CCL20: variants seen among roughly 807,000 people sequenced by gnomAD.
CCL20 encodes C-C motif chemokine ligand 20.
A neutral mutation model predicts 10.8 loss-of-function variants in CCL20; 8 were observed. That is an observed-to-expected ratio of 0.74 (90% confidence interval 0.44 to 1.34). The LOEUF (loss-of-function observed/expected upper bound fraction) is 1.34. Ranked by LOEUF, CCL20 falls within the 40% of genes most tolerant of loss-of-function variation. CCL20 has a pLI of 0.01. For missense variants in CCL20, 107 were observed against 117.9 expected (o/e 0.91, Z 0.43); for synonymous variants, 40 against 39.4 (o/e 1.02, Z -0.06).
chr2:227,816,440 A>G (rs1690026623), intron 3 of CCL20, 56 bp downstream of exon 3: 1 of 981,582 alleles, frequency 1.0e-6, no homozygotes, highest in South Asian at 1.5e-5. Flanking sequence ...GGAGTGTGCA[A>G]AGGGGTGGGC....
rs1574625230 is a variant in CCL20, at chr2:227,816,985, C to A, written c.270-77C>A. ...TTGAGATTAAGGGCAGGTGAAGCAA[C>A]CTTTAGGTACCAAAGTCATTCCCAC... is the stretch of plus-strand genomic sequence containing the variant. On this transcript the variant is annotated intron_variant, in intron 3 of 3. Coordinates refer to ENST00000358813, the MANE Select transcript of CCL20 (RefSeq NM_004591.3). 4 of 1,142,924 alleles carry A rather than the reference C, an allele frequency of 3.5e-6. No individual in the cohort carries two copies. The South Asian group carries it at 3.8e-5, about 11-fold the overall frequency. The allele number at this position is 1,142,924 out of a possible 1,614,324, so 70.8% of individuals were successfully genotyped here. A position where few individuals can be genotyped will look rare whatever the true frequency, so the allele number is the denominator to read the frequency against.
At chr2:227,816,982 C>T (rs1056102091) in intron 3 of CCL20, 80 bp from the exon 4 acceptor site, 1 of 1,091,832 alleles carries the variant, frequency 9.2e-7, no homozygotes, top group African/African-American at 1.6e-5. Flanking sequence ...GCAGGTGAAG[C>T]AACCTTTAGG....
intron 3 of CCL20, 46 bp from the exon 4 acceptor site, chr2:227,817,016 A>G: frequency 6.7e-7 from 1 of 1,489,530 alleles, no homozygotes; most frequent in African/African-American, 1.4e-5. Context: ...CCCACCATGC[A>G]GTCACCTTGT....
rs75543153 is a variant in CCL20 at position 227,815,524 on chromosome 2, C to T, written c.147C>T (p.Phe49=). 3.8e-4 allele frequency: 611 copies of T among 1,611,130 alleles called. 5 individuals carry two copies. The East Asian group carries it at 0.012, about 31-fold the overall frequency. Residue 49 remains phenylalanine, a synonymous_variant, in exon 2 of 4, where the codon TTC becomes TTT. Coordinates refer to ENST00000358813, the MANE Select transcript of CCL20 (RefSeq NM_004591.3). The part of the protein sequence containing the change: ...RILHPKFIVG[F]TRQLANEGCD... ...TTCATCCTAAATTTATTGTGGGCTT[C>T]ACACGGCAGCTGGCCAATGAAGGCT...
At chr2:227,816,729 T>C (rs1690029857) in intron 3 of CCL20, among the ~76,000 whole-genome samples, 1 of 152,236 alleles carries the variant, frequency 6.6e-6, no homozygotes, top group Non-Finnish European at 1.5e-5. Context: ...TGAACATTAG[T>C]TAAACAGAGA....
chr2:227,814,747 A>AT (rs1319916994), intron 1 of CCL20, among the ~76,000 whole-genome samples: 2 of 147,392 alleles, frequency 1.4e-5, no homozygotes, highest in African/African-American at 5.4e-5. Context: ...CACCTGGCTA[A>AT]TTTTTTTACA....
chr2:227,815,430 C>T (rs1043801793), intron 1 of CCL20, 24 bp from the exon 2 acceptor site: 5 of 1,172,060 alleles, frequency 4.3e-6, no homozygotes, highest in Non-Finnish European at 6.3e-6. Flanking sequence ...GGATCCAATA[C>T]CTTTCACTTT....
intron 2 of CCL20, among the ~76,000 whole-genome samples, 155 bp from the exon 3 acceptor site, chr2:227,816,152 T>A (rs1366246425): frequency 6.6e-6 from 1 of 152,224 alleles, no homozygotes; most frequent in Non-Finnish European, 1.5e-5. Flanking sequence ...TTTGCATTAA[T>A]CTTCATCAGA....
At chr2:227,816,595 G>A (rs896230754) in intron 3 of CCL20, among the ~76,000 whole-genome samples, 2 of 152,182 alleles carry the variant, frequency 1.3e-5, no homozygotes, top group African/African-American at 4.8e-5. Context: ...TTTCTTACAT[G>A]ATGTATTAGA....
Position 227,816,370 on chromosome 2 carries a change from T to A in CCL20, c.255T>A (p.Ile85=). 6.2e-7 allele frequency: 1 copy of A among 1,600,316 alleles called. No individual in the cohort carries two copies. The highest frequency in any genetic ancestry group is 8.6e-7 in the Non-Finnish European group (1 of 1,167,736). The part of the protein sequence containing the change: ...ANPKQTWVKY[I]VRLLSKKVKN... The stretch of plus-strand genomic sequence containing the variant: ...CAAAACAGACTTGGGTGAAATATAT[T>A]GTGCGTCTCCTCAGGTATGTTACAC... Residue 85 remains isoleucine (I), a synonymous_variant, in exon 3 of 4, where the codon ATT becomes ATA. Transcript: ENST00000358813.
intron 1 of CCL20, among the ~76,000 whole-genome samples, chr2:227,814,339 T>C (rs116270349): frequency 6.6e-6 from 1 of 152,170 alleles, no homozygotes; most frequent in Admixed American, 6.5e-5. Context: ...GTCCCCAACT[T>C]TCGTACCTCC....
At chr2:227,815,135 G>A (rs1483780659) in intron 1 of CCL20, among the ~76,000 whole-genome samples, 1 of 152,134 alleles carries the variant, frequency 6.6e-6, no homozygotes, top group African/African-American at 2.4e-5. Context: ...ATAGTGAACT[G>A]AAATGAAATA....
At chr2:227,815,210 A>G (rs1038007001) in intron 1 of CCL20, among the ~76,000 whole-genome samples, 1 of 152,190 alleles carries the variant, frequency 6.6e-6, no homozygotes, top group African/African-American at 2.4e-5. Flanking sequence ...TCTCAATTCT[A>G]TTATTGAACC....
Position 227,817,343 on chromosome 2 carries a change from C to T in CCL20, c.*260C>T, listed in dbSNP as rs1181956038. 1 of 270,612 alleles carries T rather than the reference C, an allele frequency of 3.7e-6. No homozygotes were observed. Among genetic ancestry groups the T allele is most frequent in the Non-Finnish European group, 6.9e-6 (1 of 144,536 alleles). 16.8% of individuals were successfully genotyped at this position (270,612 alleles called of 1,614,324 possible). On this transcript the variant is annotated 3_prime_UTR_variant, in exon 4 of 4. Transcript: ENST00000358813. ...GTTTAGCTATTTAATACTAATTTTC[C>T]ATAAGCTATTTTGGTTTAGTGCAAA...
chr2:227,814,300 C>A (rs1318852067), intron 1 of CCL20, among the ~76,000 whole-genome samples: 1 of 152,050 alleles, frequency 6.6e-6, no homozygotes, highest in Non-Finnish European at 1.5e-5. Flanking sequence ...GTAGATGGGG[C>A]CATTTTGAAA....
Position 227,817,196 on chromosome 2 carries a change from G to T in CCL20, c.*113G>T, listed in dbSNP as rs1227679785. The stretch of plus-strand genomic sequence containing the variant: ...GGAGGGTTTAGTGCTTATCTAATTT[G>T]TGCCTCACTGGACTTGTCCAATTAA... On this transcript the variant is annotated 3_prime_UTR_variant, in exon 4 of 4. Coordinates refer to ENST00000358813, the MANE Select transcript of CCL20 (RefSeq NM_004591.3). 1 of 741,992 alleles carries T rather than the reference G, an allele frequency of 1.3e-6. No individual in the cohort carries two copies. The highest frequency in any genetic ancestry group is 2.3e-6 in the Non-Finnish European group (1 of 431,784). The allele number at this position is 741,992 out of a possible 1,614,324, so 46.0% of individuals were successfully genotyped here. A position where few individuals can be genotyped will look rare whatever the true frequency, so the allele number is the denominator to read the frequency against.
rs1690036795 is a variant in CCL20 at position 227,817,338 on chromosome 2, T to C, written c.*255T>C. On this transcript the variant is annotated 3_prime_UTR_variant, in exon 4 of 4. Coordinates refer to ENST00000358813, the MANE Select transcript of CCL20 (RefSeq NM_004591.3). ...TCTGTGTTTAGCTATTTAATACTAA[T>C]TTTCCATAAGCTATTTTGGTTTAGT... 3.6e-6 allele frequency: 1 copy of C among 280,594 alleles called. No individual in the cohort carries two copies. Among genetic ancestry groups the C allele is most frequent in the African/African-American group, 2.2e-5 (1 of 45,776 alleles). The allele number at this position is 280,594 out of a possible 1,614,324, so 17.4% of individuals were successfully genotyped here. A position where few individuals can be genotyped will look rare whatever the true frequency, so the allele number is the denominator to read the frequency against.
chr2:227,815,666 C>A, intron 2 of CCL20, 98 bp downstream of exon 2: 1 of 670,212 alleles, frequency 1.5e-6, no homozygotes, highest in Non-Finnish European at 2.6e-6. Flanking sequence ...TCAGAAATTA[C>A]TGATGTTTTG....
intron 1 of CCL20, 151 bp from the exon 2 acceptor site, chr2:227,815,303 C>T (rs1690007670): frequency 3.9e-6 from 2 of 506,710 alleles, no homozygotes; most frequent in African/African-American, 2.0e-5. Context: ...CAAAGGTTTC[C>T]AAGACATTGA....
Sources: allele counts gnomAD v4.1 joint callset (sites outside exome capture counted in the v4.1 genomes callset), GRCh38; gene constraint gnomAD v4.1.1; transcripts MANE v1.5; gene names NCBI Gene and HGNC (gene_info 2026-07-23, HGNC 2026-07-21).